Variants in ZNF33A observed in about 807,000 individuals in gnomAD.
ZNF33A encodes zinc finger protein 33A.
ZNF33A carries 9 observed loss-of-function variants against 15.9 expected under a neutral mutation model. That is an observed-to-expected ratio of 0.57 (90% CI 0.34 to 0.99). The LOEUF (loss-of-function observed/expected upper bound fraction) is 0.99. ZNF33A is among the 50% of genes least tolerant of loss of function. The pLI, the probability that ZNF33A is intolerant of heterozygous loss-of-function variation, is 0.02. For synonymous variants in ZNF33A, 294 were observed against 324.2 expected (o/e 0.91, Z 1.00); for missense variants, 843 against 941.6 (o/e 0.90, Z 1.37).
chr10:38,051,074 T>A (rs891703170), intron 4 of ZNF33A, among the ~76,000 whole-genome samples: 1 of 152,146 alleles, frequency 6.6e-6, no homozygotes, highest in Non-Finnish European at 1.5e-5. Flanking sequence ...AATAGTTTTT[T>A]TTTTACATTT....
chr10:38,031,596 A>G (rs1189169246), intron 4 of ZNF33A, among the ~76,000 whole-genome samples: 3 of 151,842 alleles, frequency 2.0e-5, no homozygotes, highest in East Asian at 3.9e-4. Context: ...AGAAAAAAAA[A>G]AAAAGAATTG....
rs77902794 is a variant in ZNF33A at position 38,026,320 on chromosome 10, G to GTAGATAGA, written c.250+8949_250+8956dup. 1.1e-3 allele frequency among the ~76,000 whole-genome samples: 160 copies of GTAGATAGA among 151,644 alleles called. 1 individual carries two copies. The highest frequency in any genetic ancestry group is 1.4e-3 in the Non-Finnish European group (94 of 67,910). ...GGTACCACTGAATTATTTTTAATGTGTAGATAGATAGATAGATAGATAATT... is the reference window on the plus strand; with the variant it reads ...GGTACCACTGAATTATTTTTAATGTGTAGATAGATAGATAGATAGATAGATAGATAATT... On this transcript the variant is annotated intron_variant, in intron 4 of 4. Transcript: ENST00000432900.
At chr10:38,063,031 AAGAG>A (rs1564892469), downstream of ZNF33A, among the ~76,000 whole-genome samples, 2 of 147,776 alleles carry the variant, frequency 1.4e-5, no homozygotes, top group African/African-American at 4.9e-5. Flanking sequence ...AAAAAAAAAA[AAGAG>A]GAAAAGTATC....
chr10:38,049,299 A>G (rs1480398380), intron 4 of ZNF33A, among the ~76,000 whole-genome samples: 1 of 152,142 alleles, frequency 6.6e-6, no homozygotes, highest in Non-Finnish European at 1.5e-5. Flanking sequence ...TAAAATACCT[A>G]TAATACTCAT....
At chr10:38,065,319 C>T (rs2066700093), downstream of ZNF33A, among the ~76,000 whole-genome samples, 1 of 152,132 alleles carries the variant, frequency 6.6e-6, no homozygotes, top group Non-Finnish European at 1.5e-5. Flanking sequence ...TGATCACCCG[C>T]CTTGGCTCCC....
chr10:38,056,269 C>G lies in ZNF33A; in HGVS notation c.2145C>G (p.His715Gln), dbSNP rs758012247. 1.2e-6 allele frequency: 2 copies of G among 1,613,998 alleles called. No homozygotes were observed. The highest frequency in any genetic ancestry group is 1.7e-6 in the Non-Finnish European group (2 of 1,179,994). ...CACTCACAGTACATCACAGGGCTCACACAGGAGAGAAATCTTGTCAATGTA... is the reference window on the plus strand; with the variant it reads ...CACTCACAGTACATCACAGGGCTCAGACAGGAGAGAAATCTTGTCAATGTA... ...KSSLTVHHRA[H>Q]TGEKSCQCNE... is the part of the protein sequence containing the mutation. Residue 715 changes from histidine to glutamine, a missense_variant, in exon 5 of 5, where the codon CAC becomes CAG. Physicochemically the swap from His to Gln is conservative, Grantham distance 24 (BLOSUM62 0). Coordinates refer to ENST00000432900, the MANE Select transcript of ZNF33A (RefSeq NM_006954.2).
intron 4 of ZNF33A, among the ~76,000 whole-genome samples, chr10:38,036,163 G>C (rs1377986008): frequency 1.3e-5 from 2 of 152,116 alleles, no homozygotes; most frequent in Non-Finnish European, 2.9e-5. Context: ...AATGTGGCCG[G>C]GTACGTTGGC....
downstream of ZNF33A, among the ~76,000 whole-genome samples, chr10:38,060,350 G>A (rs1298388592): frequency 6.6e-6 from 1 of 152,076 alleles, no homozygotes; most frequent in Non-Finnish European, 1.5e-5. Flanking sequence ...CACAATTCCT[G>A]CTTATTCCTA....
At position 38,054,480 on chromosome 10, in the gene ZNF33A, G is replaced by A; in HGVS notation, c.356G>A (p.Gly119Asp). The A allele has an allele frequency of 1.2e-6, 2 of 1,612,188 alleles. No homozygotes were observed. The highest frequency in any genetic ancestry group is 4.5e-5 in the East Asian group (2 of 44,854). The change falls in exon 5 of 5, where the codon GGT (glycine) becomes GAT (aspartate). Residue 119 changes from glycine (G) to aspartate (D), a missense_variant. Coordinates refer to ENST00000432900, the MANE Select transcript of ZNF33A (RefSeq NM_006954.2). ...AATGAAATGCTGACTAAGGAACAAG[G>A]TGATGTAATAGGAATACCATTTAAT... is the stretch of plus-strand genomic sequence containing the variant. Reference protein sequence around the residue: ...INNEMLTKEQGDVIGIPFNVD... With the variant: ...INNEMLTKEQDDVIGIPFNVD...
At chr10:38,027,320 A>G (rs1379717464) in intron 4 of ZNF33A, among the ~76,000 whole-genome samples, 3 of 151,822 alleles carry the variant, frequency 2.0e-5, no homozygotes, top group South Asian at 2.1e-4. Context: ...ATCTGTATTC[A>G]TATGCATCAT....
chr10:38,029,390 C>CTG (rs1251286120), intron 4 of ZNF33A, among the ~76,000 whole-genome samples: 3 of 152,160 alleles, frequency 2.0e-5, no homozygotes, highest in Non-Finnish European at 4.4e-5. Flanking sequence ...TTCAGGCCTT[C>CTG]AATTGATTTC....
intron 4 of ZNF33A, among the ~76,000 whole-genome samples, chr10:38,025,588 G>A (rs2064949754): frequency 6.6e-6 from 1 of 152,248 alleles, no homozygotes; most frequent in Admixed American, 6.5e-5. Flanking sequence ...GGCCATGCTG[G>A]CGTCCTGATC....
intron 4 of ZNF33A, among the ~76,000 whole-genome samples, chr10:38,033,358 G>A (rs953500909): frequency 6.6e-6 from 1 of 152,188 alleles, no homozygotes; most frequent in African/African-American, 2.4e-5. Flanking sequence ...TTTGTCAGTG[G>A]ATGGACGTTT....
At position 38,055,793 on chromosome 10, in the gene ZNF33A, G is replaced by A. The variant is rs1270201592; in HGVS notation, c.1669G>A (p.Glu557Lys). The A allele has an allele frequency of 1.1e-5, 17 of 1,586,140 alleles. No individual in the cohort carries two copies. The highest frequency in any genetic ancestry group is 3.5e-5 in the Admixed American group (2 of 57,752). Residue 557 changes from glutamate (E) to lysine (K), a missense_variant, in exon 5 of 5, where the codon GAA becomes AAA. Glu to Lys is a moderately conservative substitution (Grantham distance 56). Coordinates refer to ENST00000432900, the MANE Select transcript of ZNF33A (RefSeq NM_006954.2). The stretch of plus-strand genomic sequence containing the variant: ...AGGGCAGAAACCCTTTGCATGTCCC[G>A]AATGTGGGAAATTCTTTAGCCATAA... ...HTGQKPFACPECGKFFSHKST... is the reference protein window; with the variant it reads ...HTGQKPFACPKCGKFFSHKST...
chr10:38,028,590 C>T (rs2474546), intron 4 of ZNF33A, among the ~76,000 whole-genome samples: 9,097 of 152,068 alleles, frequency 0.06, 350 homozygotes, highest in Middle Eastern at 0.095. Flanking sequence ...GCCTCAGCCT[C>T]CCAAGTAGCT....
Position 38,052,224 on chromosome 10 carries a change from C to T in ZNF33A, c.251-2151C>T, listed in dbSNP as rs2066241000. Among the ~76,000 whole-genome samples, 6 of 151,642 alleles carry T rather than the reference C, an allele frequency of 4.0e-5. No individual in the cohort carries two copies. In the South Asian group the frequency reaches 1.2e-3, roughly 32 times the overall value. On this transcript the variant is annotated intron_variant, in intron 4 of 4. Transcript: ENST00000432900. ...ATGTAGGAAATCTAATGGAGTCACC[C>T]AAGAAAAAGAATGGGAAAAATAATG... is the stretch of plus-strand genomic sequence containing the variant.
chr10:38,012,165 CAG>C (rs2064215504), intron 1 of ZNF33A, 131 bp from the exon 2 acceptor site: 4 of 765,080 alleles, frequency 5.2e-6, no homozygotes, highest in Non-Finnish European at 8.5e-6. Flanking sequence ...TCCAAAGTGT[CAG>C]AGGACATTGA....
chr10:38,054,273 A>G (rs1451213499), intron 4 of ZNF33A, 102 bp from the exon 5 acceptor site: 10 of 1,296,822 alleles, frequency 7.7e-6, no homozygotes, highest in Non-Finnish European at 9.2e-6. Flanking sequence ...GAAACTGGCC[A>G]AAAAACCAGT....
At chr10:38,010,804 C>A (rs1463209119) in intron 1 of ZNF33A, 21 bp downstream of exon 1, 1 of 1,597,816 alleles carries the variant, frequency 6.3e-7, no homozygotes, top group Non-Finnish European at 8.5e-7. Flanking sequence ...GTGGGTTGGG[C>A]AGGGAGAGAG....
Sources: gnomAD v4.1 joint callset for allele counts (sites outside exome capture counted in the v4.1 genomes callset) on GRCh38, gnomAD v4.1.1 for gene constraint, MANE v1.5 for transcripts, NCBI Gene and HGNC (gene_info 2026-07-23, HGNC 2026-07-21) for gene names.